The following TECTA variants were observed in gnomAD, a reference collection of about 807,000 sequenced individuals.
TECTA encodes alpha-tectorin.
Under a neutral mutation model 216.8 loss-of-function variants are expected in TECTA, and 128 were observed. The ratio of observed to expected loss-of-function variants is 0.59; its 90% confidence interval spans 0.51 to 0.68. TECTA has a LOEUF of 0.68. Among genes scored for constraint, TECTA ranks in the 30% least tolerant of loss-of-function variants. The pLI is 0.00. For missense variants in TECTA, 2,551 were observed against 2,786.2 expected, an observed-to-expected ratio of 0.92 and a Z score of 1.90; for synonymous variants, 1,089 against 1,117.1, an observed-to-expected ratio of 0.97 and a Z score of 0.50.
chr11:121,128,111 G>A lies in TECTA; in HGVS notation c.2134G>A (p.Val712Met), dbSNP rs876657587. 16 of 1,612,838 alleles carry A rather than the reference G, an allele frequency of 9.9e-6. No homozygotes were observed. The highest frequency in any genetic ancestry group is 2.2e-5 in the East Asian group (1 of 44,902). Residue 712 changes from valine to methionine, a missense_variant, in exon 9 of 24, where the codon GTG becomes ATG. Val to Met is a conservative substitution (Grantham distance 21, BLOSUM62 1). This residue lies in a region of TECTA where 2,375 missense variants were observed against 2,563.9 expected (regional missense o/e 0.93). Transcript: ENST00000392793. ...YQGCFPKRETVCLLSQNQVLH... is the reference protein window; with the variant it reads ...YQGCFPKRETMCLLSQNQVLH... ...GGGCTGCTTCCCCAAGCGGGAGACC[G>A]TGTGCCTGCTCAGCCAGAACCAGGT...
At chr11:121,148,121 C>T (rs1369185249) in intron 12 of TECTA, among the ~76,000 whole-genome samples, 1 of 152,192 alleles carries the variant, frequency 6.6e-6, no homozygotes, top group Non-Finnish European at 1.5e-5. Flanking sequence ...CTCCTCTCTA[C>T]CCTGGCTCAC....
In TECTA at chr11:121,113,813, G is replaced by A; in HGVS notation, c.790+95G>A. 3 of 1,454,052 alleles carry A rather than the reference G, an allele frequency of 2.1e-6. No homozygotes were observed. The highest frequency in any genetic ancestry group is 2.4e-5 in the South Asian group (2 of 83,992). The allele number at this position is 1,454,052 out of a possible 1,614,324, so 90.1% of individuals were successfully genotyped here. A position where few individuals can be genotyped will look rare whatever the true frequency, so the allele number is the denominator to read the frequency against. On this transcript the variant is annotated intron_variant, in intron 6 of 23. Transcript: ENST00000392793. This position sits in a 1 kb window ranked among gnomAD's most constrained non-coding sequence, Gnocchi z 4.2. ...CCACGGGGGCGGACTCATTCCTGAT[G>A]CCTTACTCTTTTGACATCTCTCCGC...
At chr11:121,188,122 C>T (rs901822683) in intron 21 of TECTA, 128 bp downstream of exon 21, 4 of 937,064 alleles carry the variant, frequency 4.3e-6, no homozygotes, top group Non-Finnish European at 6.7e-6. Flanking sequence ...GGACAGTCAT[C>T]TTTGATGGGA....
chr11:121,175,795 A>G (rs1262856326), intron 20 of TECTA, among the ~76,000 whole-genome samples: 1 of 152,166 alleles, frequency 6.6e-6, no homozygotes, highest in African/African-American at 2.4e-5. Flanking sequence ...GGGGTGTTAA[A>G]GTCTCCCATT....
intron 11 of TECTA, among the ~76,000 whole-genome samples, chr11:121,143,319 C>A (rs1351050787): frequency 2.0e-5 from 3 of 152,182 alleles, no homozygotes; most frequent in African/African-American, 7.2e-5. Context: ...TCATATTTAT[C>A]AGGATATTTT....
Position 121,168,084 on chromosome 11 carries a change from A to G in TECTA, c.5617A>G (p.Thr1873Ala), listed in dbSNP as rs1366944152. 1 of 1,614,216 alleles carries G rather than the reference A, an allele frequency of 6.2e-7. No individual in the cohort carries two copies. The highest frequency in any genetic ancestry group is 1.7e-5 in the Admixed American group (1 of 60,028). Residue 1873 changes from threonine to alanine, a missense_variant, in exon 19 of 24, where the codon ACA (threonine) becomes GCA (alanine). This residue lies in a region of TECTA where 2,375 missense variants were observed against 2,563.9 expected (regional missense o/e 0.93). Transcript: ENST00000392793. ...SNGTHIMYKNTLWIESANNTG... is the reference protein window; with the variant it reads ...SNGTHIMYKNALWIESANNTG... ...TGGCACGCATATCATGTATAAAAACACACTCTGGATCGAAAGCGCCAACAA... is the reference window on the plus strand; with the variant it reads ...TGGCACGCATATCATGTATAAAAACGCACTCTGGATCGAAAGCGCCAACAA...
At chr11:121,129,346 G>C (rs1205417360) in intron 9 of TECTA, among the ~76,000 whole-genome samples, 1 of 152,216 alleles carries the variant, frequency 6.6e-6, no homozygotes, top group Non-Finnish European at 1.5e-5. Flanking sequence ...CGGCAGGAGG[G>C]AGCCACGTAT....
intron 17 of TECTA, 37 bp downstream of exon 17, chr11:121,165,420 C>G (rs914567423): frequency 6.6e-7 from 1 of 1,523,988 alleles, no homozygotes; most frequent in Non-Finnish European, 8.9e-7. Context: ...CCAGAAAGGC[C>G]CCATGGGAGA....
At chr11:121,164,154 C>G (rs1263033391) in intron 16 of TECTA, among the ~76,000 whole-genome samples, 1 of 151,998 alleles carries the variant, frequency 6.6e-6, no homozygotes, top group Non-Finnish European at 1.5e-5. Context: ...ATTCTGTTTT[C>G]CCTGTGTGTG....
intron 10 of TECTA, among the ~76,000 whole-genome samples, chr11:121,134,066 C>A (rs965498847): frequency 1.3e-5 from 2 of 152,106 alleles, no homozygotes; most frequent in African/African-American, 2.4e-5. Context: ...GTAGGATCTC[C>A]TTCAAGCTGG....
At chr11:121,164,691 A>G (rs1185817699) in intron 16 of TECTA, among the ~76,000 whole-genome samples, 3 of 152,158 alleles carry the variant, frequency 2.0e-5, no homozygotes, top group Non-Finnish European at 2.9e-5. Context: ...CTCTTTTTAC[A>G]AAATCAAGTA....
chr11:121,168,984 C>A, intron 20 of TECTA, 59 bp downstream of exon 20: 3 of 1,612,480 alleles, frequency 1.9e-6, no homozygotes, highest in East Asian at 2.2e-5. Context: ...TTGTCCTCAT[C>A]ATTTTTTAAG....
At position 121,160,345 on chromosome 11, in the gene TECTA, G is replaced by T; in HGVS notation, c.4900G>T (p.Val1634Leu). The change falls in exon 15 of 24, where the codon GTG becomes TTG. Residue 1634 changes from valine to leucine, a missense_variant. Around this residue, in one of 3 missense-constraint regions of TECTA, gnomAD observed 2,375 missense variants for 2,563.9 expected, o/e 0.93. Transcript: ENST00000392793. ...CAACGGGGACCTAACAGATGATTAT[G>T]TGACCTTGCGAGGGAAGCCGGTGGT... is the stretch of plus-strand genomic sequence containing the variant. The part of the protein sequence containing the change: ...NFNGDLTDDY[V>L]TLRGKPVVSS... 1 of 1,614,086 alleles carries T rather than the reference G, an allele frequency of 6.2e-7. No individual in the cohort carries two copies. Among genetic ancestry groups the T allele is most frequent in the Non-Finnish European group, 8.5e-7 (1 of 1,180,038 alleles).
At chr11:121,149,832 G>A (rs963558677) in intron 12 of TECTA, among the ~76,000 whole-genome samples, 1 of 152,218 alleles carries the variant, frequency 6.6e-6, no homozygotes, top group South Asian at 2.1e-4. Flanking sequence ...TACATCATTT[G>A]GTGGGGAGCG....
Position 121,131,613 on chromosome 11 carries a change from A to G in TECTA, c.2941+1402A>G, listed in dbSNP as rs149320709. 1.9e-4 allele frequency among the ~76,000 whole-genome samples: 29 copies of G among 152,338 alleles called. No individual in the cohort carries two copies. The East Asian group carries it at 4.2e-3, about 22-fold the overall frequency. ...TGTTCATATTTTGTTAGTGGTTCCA[A>G]TAATGTCTTTTACAGCCAAAACAAA... On this transcript the variant is annotated intron_variant, in intron 10 of 23. Coordinates refer to ENST00000392793, the MANE Select transcript of TECTA (RefSeq NM_005422.4).
intron 3 of TECTA, among the ~76,000 whole-genome samples, chr11:121,107,873 A>T (rs529487340): frequency 1.3e-5 from 2 of 152,356 alleles, no homozygotes; most frequent in Admixed American, 6.5e-5. Flanking sequence ...AACAGTGTAA[A>T]GTAGTCATGC....
rs1946983352 is a variant in TECTA at position 121,160,160 on chromosome 11, C to A, written c.4715C>A (p.Pro1572Gln). The A allele has an allele frequency of 6.2e-7, 1 of 1,614,168 alleles. No homozygotes were observed. The highest frequency in any genetic ancestry group is 1.7e-5 in the Admixed American group (1 of 60,006). The part of the protein sequence containing the change: ...VKVNGTQVNV[P>Q]FITGLATKIY... ...GTGAATGGCACACAAGTGAATGTTCCATTTATAACTGGTTTGGCAACCAAA... is the reference window on the plus strand; with the variant it reads ...GTGAATGGCACACAAGTGAATGTTCAATTTATAACTGGTTTGGCAACCAAA... The change falls in exon 15 of 24, where the codon CCA becomes CAA. Residue 1572 changes from proline to glutamine, a missense_variant. Pro to Gln is a moderately conservative substitution (Grantham distance 76). Around this residue, in one of 3 missense-constraint regions of TECTA, gnomAD observed 2,375 missense variants for 2,563.9 expected, o/e 0.93. Coordinates refer to ENST00000392793, the MANE Select transcript of TECTA (RefSeq NM_005422.4).
At chr11:121,158,701 C>T (rs949586742) in intron 14 of TECTA, among the ~76,000 whole-genome samples, 1 of 152,090 alleles carries the variant, frequency 6.6e-6, no homozygotes, top group African/African-American at 2.4e-5. Context: ...CTGACTCACA[C>T]CCCCATTATC....
At chr11:121,166,967 C>T (rs1005624044) in intron 18 of TECTA, among the ~76,000 whole-genome samples, 187 bp downstream of exon 18, 2 of 152,210 alleles carry the variant, frequency 1.3e-5, no homozygotes, top group African/African-American at 2.4e-5. Flanking sequence ...AAGTGATTGA[C>T]GGAGTTGAAA....
Sources: gnomAD v4.1 joint callset for allele counts (sites outside exome capture counted in the v4.1 genomes callset) on GRCh38, gnomAD v4.1.1 for gene constraint, gnomAD v4.1.1 regional missense constraint, Gnocchi (gnomAD v3.1) non-coding constraint, MANE v1.5 for transcripts, NCBI Gene and HGNC (gene_info 2026-07-23, HGNC 2026-07-21) for gene names.